The following CSMD1 variants were observed in gnomAD, a reference collection of about 807,000 sequenced individuals.
The protein encoded by CSMD1 is CUB and Sushi multiple domains 1.
Under a neutral mutation model 417.5 loss-of-function variants are expected in CSMD1, and 213 were observed. That is an observed-to-expected ratio of 0.51 (90% CI 0.46 to 0.57). CSMD1 has a LOEUF of 0.57. Ranked by LOEUF, CSMD1 falls within the 20% of genes least tolerant of loss-of-function variation. CSMD1 has a pLI of 0.00. For synonymous variants in CSMD1, 2,862 were observed against 1,736.8 expected (o/e 1.65, Z -16.11); for missense variants, 6,923 against 4,529.7 (o/e 1.53, Z -15.17).
At chr8:3,737,545 T>C (rs1796586012) in intron 6 of CSMD1, among the ~76,000 whole-genome samples, 1 of 152,238 alleles carries the variant, frequency 6.6e-6, no homozygotes, top group Non-Finnish European at 1.5e-5. Flanking sequence ...TTTTTACCAA[T>C]CTCCTTGCAC....
chr8:3,135,979 C>T (rs1818056880), intron 41 of CSMD1, among the ~76,000 whole-genome samples: 1 of 152,188 alleles, frequency 6.6e-6, no homozygotes, highest in African/African-American at 2.4e-5. Context: ...AGGCTCCAGA[C>T]ATGCCCCAGC....
chr8:3,745,349 C>T (rs1440093405), intron 6 of CSMD1, among the ~76,000 whole-genome samples: 1 of 152,190 alleles, frequency 6.6e-6, no homozygotes, highest in Non-Finnish European at 1.5e-5. Context: ...CCTTTAAAAA[C>T]TACCACTGAG....
At chr8:4,439,087 GTAT>G (rs1348688459) in intron 2 of CSMD1, among the ~76,000 whole-genome samples, 1 of 152,076 alleles carries the variant, frequency 6.6e-6, no homozygotes, top group Admixed American at 6.6e-5. Context: ...TATTTCATCT[GTAT>G]TATATGGTTC....
At chr8:3,832,188 G>A (rs898457010) in intron 5 of CSMD1, among the ~76,000 whole-genome samples, 8 of 152,168 alleles carry the variant, frequency 5.3e-5, no homozygotes, top group African/African-American at 4.8e-5. Flanking sequence ...CGTGGAGGCT[G>A]AGTCACGTGG....
intron 1 of CSMD1, among the ~76,000 whole-genome samples, chr8:4,962,467 AT>A (rs1441698322): frequency 1.3e-5 from 2 of 152,154 alleles, no homozygotes; most frequent in African/African-American, 4.8e-5. Flanking sequence ...CACCTAGGCC[AT>A]CTAAAGCTCT....
At position 4,943,986 on chromosome 8, in the gene CSMD1, G is replaced by A. The variant is rs559145648; in HGVS notation, c.85+50346C>T. Among the ~76,000 whole-genome samples, 4 of 152,262 alleles carry A rather than the reference G, an allele frequency of 2.6e-5. No individual in the cohort carries two copies. In the South Asian group the frequency reaches 8.3e-4, roughly 32 times the overall value. Reference sequence around the variant, plus strand: ...GGAAAGAAACATGACAAGACATACTGGCGGTTGTATTTGAGTAGTAAAAAA... The same window carrying A: ...GGAAAGAAACATGACAAGACATACTAGCGGTTGTATTTGAGTAGTAAAAAA... On this transcript the variant is annotated intron_variant, in intron 1 of 69. Coordinates refer to ENST00000635120, the MANE Select transcript of CSMD1 (RefSeq NM_033225.6).
intron 2 of CSMD1, among the ~76,000 whole-genome samples, chr8:4,450,151 A>T (rs1477067751): frequency 6.6e-6 from 1 of 152,134 alleles, no homozygotes; most frequent in Non-Finnish European, 1.5e-5. Context: ...TTACAACCCC[A>T]AAATGGTTGA....
chr8:3,468,971 T>C (rs1376466597), intron 11 of CSMD1, 147 bp from the exon 12 acceptor site: 2 of 549,516 alleles, frequency 3.6e-6, no homozygotes, highest in African/African-American at 3.8e-5. Flanking sequence ...CAGCCTCTGG[T>C]CCATTATATT....
In CSMD1 at chr8:4,081,669, C is replaced by G. The variant is rs143537964; in HGVS notation, c.416-49570G>C. On this transcript the variant is annotated intron_variant, in intron 3 of 69. Coordinates refer to ENST00000635120, the MANE Select transcript of CSMD1 (RefSeq NM_033225.6). ...ATAGATACTATGCTACACAATGCAA[C>G]AATTCTCAATGAAGTCCAAAACATT... Among the ~76,000 whole-genome samples, 311 of 152,242 alleles carry G rather than the reference C, an allele frequency of 2.0e-3. 1 individual carries two copies. Among genetic ancestry groups the G allele is most frequent in the African/African-American group, 7.1e-3 (296 of 41,548 alleles).
At chr8:4,403,969 CT>C (rs1232853546) in intron 3 of CSMD1, among the ~76,000 whole-genome samples, 1 of 152,184 alleles carries the variant, frequency 6.6e-6, no homozygotes, top group Non-Finnish European at 1.5e-5. Flanking sequence ...GGCATCACCC[CT>C]AAAACTCTCC....
chr8:4,020,956 C>A (rs745831324), intron 4 of CSMD1, among the ~76,000 whole-genome samples: 3 of 152,196 alleles, frequency 2.0e-5, no homozygotes, highest in Admixed American at 1.3e-4. Context: ...GTGACGTGGA[C>A]TTTGATATCT....
intron 49 of CSMD1, among the ~76,000 whole-genome samples, chr8:3,057,666 C>T (rs891369643): frequency 3.9e-5 from 6 of 152,094 alleles, no homozygotes; most frequent in African/African-American, 1.4e-4. Context: ...CAGATGCTAA[C>T]ATTTTTTATA....
chr8:3,772,395 A>G (rs1478828340), intron 5 of CSMD1, among the ~76,000 whole-genome samples: 50 of 31,114 alleles, frequency 1.6e-3, no homozygotes, highest in African/African-American at 2.5e-3. Flanking sequence ...ATTTATATAT[A>G]CACATATATA....
chr8:4,208,477 T>C (rs1048749051), intron 3 of CSMD1, among the ~76,000 whole-genome samples: 1 of 152,232 alleles, frequency 6.6e-6, no homozygotes, highest in Non-Finnish European at 1.5e-5. Flanking sequence ...TTGATGTTTC[T>C]ATTCATCTGC....
At chr8:3,367,666 ATACT>A (rs1412375212) in intron 19 of CSMD1, among the ~76,000 whole-genome samples, 2 of 152,238 alleles carry the variant, frequency 1.3e-5, no homozygotes, top group African/African-American at 2.4e-5. Flanking sequence ...ACAAAAATAA[ATACT>A]TAAGTGCATA....
chr8:4,551,760 C>T (rs543683555), intron 2 of CSMD1, among the ~76,000 whole-genome samples: 2 of 152,264 alleles, frequency 1.3e-5, no homozygotes, highest in Admixed American at 1.3e-4. Flanking sequence ...TCATAGCTCA[C>T]TGCAACCTCT....
chr8:4,588,422 TC>T (rs1214928764), intron 2 of CSMD1, among the ~76,000 whole-genome samples: 1 of 150,936 alleles, frequency 6.6e-6, no homozygotes, highest in African/African-American at 2.4e-5. Context: ...AACTATCTCT[TC>T]CTCTAGATAG....
chr8:4,892,075 G>A (rs1804160546), intron 1 of CSMD1, among the ~76,000 whole-genome samples: 1 of 152,072 alleles, frequency 6.6e-6, no homozygotes, highest in Non-Finnish European at 1.5e-5. Context: ...GGTGCGGGAG[G>A]TAGGAAGAAA....
At chr8:3,611,484 T>C (rs373530613) in intron 8 of CSMD1, among the ~76,000 whole-genome samples, 49 of 152,226 alleles carry the variant, frequency 3.2e-4, no homozygotes, top group African/African-American at 1.1e-3. Flanking sequence ...TTGGAGTATC[T>C]CTCACTTATT....
Sources: allele counts gnomAD v4.1 joint callset (sites outside exome capture counted in the v4.1 genomes callset), GRCh38; gene constraint gnomAD v4.1.1; transcripts MANE v1.5; gene names NCBI Gene and HGNC (gene_info 2026-07-23, HGNC 2026-07-21).